ABHD6: variants seen among roughly 807,000 people sequenced by gnomAD.
ABHD6 encodes the protein monoacylglycerol lipase ABHD6.
In ABHD6, 33 loss-of-function variants were observed where a neutral mutation model predicts 38.8. The observed-to-expected ratio is 0.85, with a 90% CI of 0.64 to 1.14. ABHD6 has a LOEUF of 1.14. ABHD6 is among the 50% of genes most tolerant of loss of function. The probability of loss-of-function intolerance (pLI) is 0.00; values close to 1 mark genes in which losing one functional copy is unlikely to be tolerated. For synonymous variants in ABHD6, 147 were observed against 161.6 expected, an observed-to-expected ratio of 0.91 and a Z score of 0.69; for missense variants, 380 against 422.6, an observed-to-expected ratio of 0.90 and a Z score of 0.88.
At chr3:58,246,258 A>G (rs546365890) in intron 1 of ABHD6, among the ~76,000 whole-genome samples, 1 of 152,314 alleles carries the variant, frequency 6.6e-6, no homozygotes, top group African/African-American at 2.4e-5. Flanking sequence ...CATGATTTCA[A>G]GCAGGCGGTT....
At chr3:58,290,001 C>A (rs1379325631) in intron 9 of ABHD6, among the ~76,000 whole-genome samples, 1 of 143,408 alleles carries the variant, frequency 7.0e-6, no homozygotes, top group South Asian at 2.2e-4. Context: ...GCTGACCCCC[C>A]CACCTCCCTC....
Position 58,251,127 on chromosome 3 carries a change from C to T in ABHD6, c.-26+1185C>T, listed in dbSNP as rs1205607361. 6.6e-6 allele frequency among the ~76,000 whole-genome samples: 1 copy of T among 151,892 alleles called. No individual in the cohort carries two copies. On this transcript the variant is annotated intron_variant, in intron 2 of 9. Transcript: ENST00000478253. The surrounding 1 kb of genome is among the most constrained non-coding windows in gnomAD (Gnocchi z 5.4). The stretch of plus-strand genomic sequence containing the variant: ...CCTGAGGTCAGGAGTTCGAGACCAG[C>T]CCAGCATGGTGAAACCCTGTCTCTA...
chr3:58,292,774 G>T (rs1022900001), intron 9 of ABHD6, among the ~76,000 whole-genome samples: 1 of 152,082 alleles, frequency 6.6e-6, no homozygotes, highest in Non-Finnish European at 1.5e-5. Context: ...AAAATTAGCT[G>T]GGCATGGTGG....
chr3:58,250,205 G>T (rs938543562), intron 2 of ABHD6, among the ~76,000 whole-genome samples: 24 of 152,134 alleles, frequency 1.6e-4, no homozygotes, highest in African/African-American at 4.1e-4. Flanking sequence ...AGTCTGGAAG[G>T]CATGGGTTCA....
chr3:58,291,892 G>A (rs937555805), intron 9 of ABHD6, among the ~76,000 whole-genome samples: 6 of 152,326 alleles, frequency 3.9e-5, no homozygotes, highest in African/African-American at 1.2e-4. Context: ...CAAGGCTGCA[G>A]TGAGCCATGA....
At chr3:58,240,570 ATT>A (rs1195213500) in intron 1 of ABHD6, among the ~76,000 whole-genome samples, 1 of 150,016 alleles carries the variant, frequency 6.7e-6, no homozygotes, top group Non-Finnish European at 1.5e-5. Context: ...TCTTAAAAAA[ATT>A]TTTTTTTTAA....
At chr3:58,271,244 G>A (rs2097444647) in intron 6 of ABHD6, among the ~76,000 whole-genome samples, 180 bp downstream of exon 6, 2 of 151,906 alleles carry the variant, frequency 1.3e-5, no homozygotes, top group South Asian at 4.2e-4. Context: ...TAACCAGACT[G>A]ATTTTGAAAA....
Position 58,285,517 on chromosome 3 carries a change from T to C in ABHD6, c.837+64T>C. 8 of 1,390,504 alleles carry C rather than the reference T, an allele frequency of 5.8e-6. No homozygotes were observed. Among genetic ancestry groups the C allele is most frequent in the Non-Finnish European group, 8.2e-6 (8 of 977,764 alleles). 86.1% of individuals were successfully genotyped at this position (1,390,504 alleles called of 1,614,324 possible). ...CAGGGCCTCTGAGGAAAAACGTCCT[T>C]GAGGAAGAACAAGTGGTTATTTATG... On this transcript the variant is annotated intron_variant, in intron 9 of 9. Transcript: ENST00000478253. The surrounding 1 kb of genome is among the most constrained non-coding windows in gnomAD (Gnocchi z 4.9).
intron 9 of ABHD6, among the ~76,000 whole-genome samples, chr3:58,292,179 C>G (rs1411971169): frequency 6.6e-6 from 1 of 152,174 alleles, no homozygotes; most frequent in Non-Finnish European, 1.5e-5. Context: ...TTTTCCTGGT[C>G]CAGGGATGCC....
intron 2 of ABHD6, among the ~76,000 whole-genome samples, chr3:58,252,537 G>C (rs956153359): frequency 6.6e-6 from 1 of 152,106 alleles, no homozygotes; most frequent in African/African-American, 2.4e-5. Flanking sequence ...ACCACACTGA[G>C]AGTTTCTCTT....
chr3:58,288,093 C>A (rs1651390997), intron 9 of ABHD6, among the ~76,000 whole-genome samples: 1 of 152,154 alleles, frequency 6.6e-6, no homozygotes, highest in East Asian at 1.9e-4. Context: ...TAAATGTGAT[C>A]AGATCCTTCA....
In ABHD6 at chr3:58,273,578, AC is replaced by A. The variant is rs1260680625; in HGVS notation, c.524-1079del. Among the ~76,000 whole-genome samples the A allele has an allele frequency of 6.6e-6, 1 of 152,218 alleles. No individual in the cohort carries two copies. The highest frequency in any genetic ancestry group is 6.5e-5 in the Admixed American group (1 of 15,274). ...GAATGATTTCATGTCCTTTGCAAGG[AC>A]ATGGATGAAGCTGGAAGCATCATTC... is the stretch of plus-strand genomic sequence containing the variant. On this transcript the variant is annotated intron_variant, in intron 6 of 9. Transcript: ENST00000478253. The surrounding 1 kb of genome is among the most constrained non-coding windows in gnomAD (Gnocchi z 4.8).
At chr3:58,249,199 T>C (rs1289290826) in intron 1 of ABHD6, among the ~76,000 whole-genome samples, 1 of 152,264 alleles carries the variant, frequency 6.6e-6, no homozygotes, top group African/African-American at 2.4e-5. Context: ...CTCTTTGTTA[T>C]GGCCTCTGGA....
rs2097429898 is a variant in ABHD6 at position 58,251,484 on chromosome 3, G to A, written c.-26+1542G>A. On this transcript the variant is annotated intron_variant, in intron 2 of 9. Transcript: ENST00000478253. The surrounding 1 kb of genome is among the most constrained non-coding windows in gnomAD (Gnocchi z 5.4). ...CTCAAGATCCCAGTTTTCAAAATCA[G>A]TGACAACATTAAAGAAAATTGTGAG... is the stretch of plus-strand genomic sequence containing the variant. Among the ~76,000 whole-genome samples, 1 of 152,174 alleles carries A rather than the reference G, an allele frequency of 6.6e-6. No homozygotes were observed. The highest frequency in any genetic ancestry group is 1.5e-5 in the Non-Finnish European group (1 of 68,034).
At chr3:58,244,718 A>G (rs1008599894) in intron 1 of ABHD6, among the ~76,000 whole-genome samples, 1 of 152,052 alleles carries the variant, frequency 6.6e-6, no homozygotes, top group East Asian at 1.9e-4. Context: ...GCGCCACTAC[A>G]GTCTAGCCTG....
chr3:58,294,515 C>T lies in ABHD6; in HGVS notation c.*750C>T, dbSNP rs537060206. The T allele has an allele frequency of 6.5e-6, 1 of 152,752 alleles. No individual in the cohort carries two copies. Among genetic ancestry groups the T allele is most frequent in the East Asian group, 1.9e-4 (1 of 5,188 alleles). 9.5% of individuals were successfully genotyped at this position (152,752 alleles called of 1,614,324 possible). On this transcript the variant is annotated 3_prime_UTR_variant, in exon 10 of 10. Transcript: ENST00000478253. ...CCTAATAAAGCAATAATGTTCTAGA[C>T]ATCTGTCTAAGTAATCAGACTCAGG...
intron 7 of ABHD6, among the ~76,000 whole-genome samples, chr3:58,282,261 G>A (rs1402310453): frequency 6.6e-6 from 1 of 152,156 alleles, no homozygotes; most frequent in Admixed American, 6.5e-5. Flanking sequence ...AGAGATTGTA[G>A]GAGAGCACAA....
Position 58,271,197 on chromosome 3 carries a change from T to A in ABHD6, c.523+133T>A, listed in dbSNP as rs1401941909. On this transcript the variant is annotated intron_variant, in intron 6 of 9. Coordinates refer to ENST00000478253, the MANE Select transcript of ABHD6 (RefSeq NM_001320126.2). The stretch of plus-strand genomic sequence containing the variant: ...TGAGAGATATGCAGTGTTTTACTGA[T>A]AACTCTAACCAACCAATAGTTATAT... 13 of 978,334 alleles carry A rather than the reference T, an allele frequency of 1.3e-5. No individual in the cohort carries two copies. In the East Asian group the frequency reaches 3.6e-4, roughly 27 times the overall value. 60.6% of individuals were successfully genotyped at this position (978,334 alleles called of 1,614,324 possible).
At chr3:58,271,766 G>GTCTTT (rs1553720277) in intron 6 of ABHD6, among the ~76,000 whole-genome samples, 2 of 63,618 alleles carry the variant, frequency 3.1e-5, no homozygotes, top group African/African-American at 7.1e-5. Flanking sequence ...CCCTCTCTCT[G>GTCTTT]TTTTTTTTTT....
Sources: allele counts gnomAD v4.1 joint callset (sites outside exome capture counted in the v4.1 genomes callset), GRCh38; gene constraint gnomAD v4.1.1; non-coding constraint Gnocchi (gnomAD v3.1); transcripts MANE v1.5; gene names NCBI Gene and HGNC (gene_info 2026-07-23, HGNC 2026-07-21).